The following IFT25 variants were observed in gnomAD, a reference collection of about 807,000 sequenced individuals.
IFT25 encodes the protein intraflagellar transport protein 25 homolog.
chr1:53,937,493 G>A, the IFT25 span, among the ~76,000 whole-genome samples: 337 of 152,234 alleles, frequency 2.2e-3, no homozygotes, highest in African/African-American at 7.4e-3. Flanking sequence ...AAAAGTCCCC[G>A]ATGTATTCTG....
the IFT25 span, among the ~76,000 whole-genome samples, chr1:53,935,663 TC>T: frequency 6.6e-6 from 1 of 150,908 alleles, no homozygotes; most frequent in Non-Finnish European, 1.5e-5. Context: ...AGGGTCTTGC[TC>T]TCTCACTCAG....
chr1:53,939,070 G>A, the IFT25 span, among the ~76,000 whole-genome samples: 174 of 90,766 alleles, frequency 1.9e-3, no homozygotes, highest in Middle Eastern at 0.021. Context: ...GCGAAACTCC[G>A]TCTCAAAAAA....
the IFT25 span, among the ~76,000 whole-genome samples, chr1:53,943,192 T>C: frequency 6.6e-6 from 1 of 152,270 alleles, no homozygotes; most frequent in East Asian, 1.9e-4. Flanking sequence ...ATTTCTTTCA[T>C]CCCTGAAAAC....
chr1:53,936,604 A>C, the IFT25 span, among the ~76,000 whole-genome samples: 1 of 152,188 alleles, frequency 6.6e-6, no homozygotes, highest in Non-Finnish European at 1.5e-5. Context: ...GGTCAGCAGG[A>C]AAGGTGGTAT....
chr1:53,923,932 T>C, the IFT25 span: 1 of 1,594,766 alleles, frequency 6.3e-7, no homozygotes, highest in Non-Finnish European at 8.6e-7. Flanking sequence ...AAGCTGCCCC[T>C]CTGTGTGTAC....
chr1:53,940,528 TGA>T, the IFT25 span, among the ~76,000 whole-genome samples: 1 of 152,162 alleles, frequency 6.6e-6, no homozygotes, highest in Non-Finnish European at 1.5e-5. Flanking sequence ...ATTATTCCAT[TGA>T]GTGTTAATAA....
At chr1:53,920,543 A>G in the IFT25 span, among the ~76,000 whole-genome samples, 1 of 152,132 alleles carries the variant, frequency 6.6e-6, no homozygotes. Flanking sequence ...CCATTCCTCC[A>G]AAGAGTCTTG....
chr1:53,935,269 C>T, the IFT25 span, among the ~76,000 whole-genome samples: 5 of 152,110 alleles, frequency 3.3e-5, no homozygotes, highest in African/African-American at 7.2e-5. Context: ...GACAAGATTG[C>T]GCCACTGCAC....
the IFT25 span, among the ~76,000 whole-genome samples, chr1:53,937,715 C>A: frequency 2.6e-5 from 4 of 152,172 alleles, no homozygotes; most frequent in African/African-American, 7.2e-5. Context: ...GTAAATTGAT[C>A]TTGCCTTAGA....
chr1:53,928,593 C>A, the IFT25 span: 1 of 568,198 alleles, frequency 1.8e-6, no homozygotes, highest in Non-Finnish European at 3.1e-6. Flanking sequence ...TGTATGTTTC[C>A]AAAAAACCCT....
At chr1:53,913,145 G>A in the IFT25 span, among the ~76,000 whole-genome samples, 1 of 152,172 alleles carries the variant, frequency 6.6e-6, no homozygotes, top group African/African-American at 2.4e-5. Context: ...ACCTGAGTGT[G>A]GCCCACAGCC....
At chr1:53,944,642 A>C in the IFT25 span, among the ~76,000 whole-genome samples, 1 of 152,162 alleles carries the variant, frequency 6.6e-6, no homozygotes, top group East Asian at 1.9e-4. Context: ...TTATGTCTCC[A>C]AAAAACAAAA....
chr1:53,920,407 T>C, the IFT25 span, among the ~76,000 whole-genome samples: 2 of 151,798 alleles, frequency 1.3e-5, no homozygotes, highest in African/African-American at 4.9e-5. Flanking sequence ...TTTTTTTTTT[T>C]TTCTAATAAG....
the IFT25 span, among the ~76,000 whole-genome samples, chr1:53,934,474 A>G: frequency 6.6e-6 from 1 of 152,160 alleles, no homozygotes; most frequent in African/African-American, 2.4e-5. Context: ...CTAAGATACA[A>G]TGTCTGTATT....
the IFT25 span, among the ~76,000 whole-genome samples, chr1:53,917,962 A>AT: frequency 6.6e-6 from 1 of 152,164 alleles, no homozygotes; most frequent in African/African-American, 2.4e-5. Flanking sequence ...CTTAATTAAC[A>AT]TTTTTTATGC....
At chr1:53,939,177 G>A in the IFT25 span, among the ~76,000 whole-genome samples, 4 of 151,460 alleles carry the variant, frequency 2.6e-5, no homozygotes, top group Non-Finnish European at 4.4e-5. Flanking sequence ...GGATCACAAG[G>A]TCAGGAGTTT....
the IFT25 span, chr1:53,946,159 C>T: frequency 6.6e-6 from 1 of 152,522 alleles, no homozygotes; most frequent in Non-Finnish European, 1.5e-5. Flanking sequence ...CCTACCCTCC[C>T]CCAGCTCAGC....
chr1:53,940,565 A>G, the IFT25 span, among the ~76,000 whole-genome samples: 2 of 152,208 alleles, frequency 1.3e-5, no homozygotes, highest in African/African-American at 4.8e-5. Flanking sequence ...AATTAAAAAA[A>G]CAACTAAATA....
At chr1:53,925,355 A>G in the IFT25 span, among the ~76,000 whole-genome samples, 1 of 152,090 alleles carries the variant, frequency 6.6e-6, no homozygotes, top group Admixed American at 6.5e-5. Context: ...TAGTTTTTTT[A>G]GTTATGAAAA....
Sources: allele counts gnomAD v4.1 joint callset (sites outside exome capture counted in the v4.1 genomes callset), GRCh38; gene constraint gnomAD v4.1.1; transcripts MANE v1.5; gene names NCBI Gene and HGNC (gene_info 2026-07-23, HGNC 2026-07-21).